The following LRMDA variants were observed in gnomAD, a reference collection of about 807,000 sequenced individuals.
LRMDA encodes the protein leucine-rich melanocyte differentiation-associated protein.
In LRMDA, 18 loss-of-function variants were observed where a neutral mutation model predicts 29.8. The observed-to-expected ratio is 0.60, with a 90% confidence interval of 0.42 to 0.90. The LOEUF is 0.90. LRMDA is among the 40% of genes least tolerant of loss of function. The pLI is 0.00. For synonymous variants in LRMDA, 125 were observed against 109.4 expected, an observed-to-expected ratio of 1.14 and a Z score of -0.89; for missense variants, 273 against 273.9, an observed-to-expected ratio of 1.00 and a Z score of 0.02.
intron 5 of LRMDA, chr10:76,270,261 G>A (rs1438877509): frequency 6.6e-6 from 1 of 152,198 alleles, no homozygotes; most frequent in Non-Finnish European, 1.5e-5. Flanking sequence ...AGTTGGGGAG[G>A]GGAGCTATTT....
rs76607851 is a variant in LRMDA, at chr10:75,592,114, G to A, written c.131+153620G>A. 1.3e-5 allele frequency among the ~76,000 whole-genome samples: 2 copies of A among 151,970 alleles called. 1 individual carries two copies. The highest frequency in any genetic ancestry group is 4.8e-5 in the African/African-American group (2 of 41,368). ...GGCAGAGGGGACAGCATGACTTGAGGCCCTGATGTGGCAAAGAGGAATGAG... is the reference window on the plus strand; with the variant it reads ...GGCAGAGGGGACAGCATGACTTGAGACCCTGATGTGGCAAAGAGGAATGAG... On this transcript the variant is annotated intron_variant, in intron 2 of 6. Transcript: ENST00000611255.
intron 2 of LRMDA, among the ~76,000 whole-genome samples, chr10:75,987,767 T>C (rs1279881709): frequency 1.3e-5 from 2 of 152,136 alleles, no homozygotes; most frequent in Admixed American, 1.3e-4. Context: ...TGTCCATTCT[T>C]TTGCAGAAGC....
At chr10:76,403,070 T>G (rs1385035315) in intron 6 of LRMDA, among the ~76,000 whole-genome samples, 1 of 151,748 alleles carries the variant, frequency 6.6e-6, no homozygotes, top group East Asian at 2.0e-4. Flanking sequence ...ATGTTGCCCT[T>G]CATCAAACAG....
In LRMDA at chr10:76,228,389, C is replaced by T. The variant is rs149715795; in HGVS notation, c.517-96012C>T. Among the ~76,000 whole-genome samples the T allele has an allele frequency of 3.0e-3, 454 of 152,198 alleles. 2 individuals are homozygous for T. Among genetic ancestry groups the T allele is most frequent in the African/African-American group, 0.01 (435 of 41,532 alleles). Reference sequence around the variant, plus strand: ...CCCTCTGCATAAACAAAGACCATGGCATTGTAATAGACGGAGTTTAATAGA... The same window carrying T: ...CCCTCTGCATAAACAAAGACCATGGTATTGTAATAGACGGAGTTTAATAGA... On this transcript the variant is annotated intron_variant, in intron 5 of 6. Transcript: ENST00000611255.
At chr10:75,685,053 T>A (rs1329945861) in intron 2 of LRMDA, among the ~76,000 whole-genome samples, 1 of 152,244 alleles carries the variant, frequency 6.6e-6, no homozygotes, top group Non-Finnish European at 1.5e-5. Context: ...GGATCTTTTC[T>A]CCTTCTGGTA....
chr10:76,060,590 C>CTT (rs1303747533), intron 5 of LRMDA, among the ~76,000 whole-genome samples: 1 of 152,200 alleles, frequency 6.6e-6, no homozygotes, highest in Non-Finnish European at 1.5e-5. Context: ...TCTCTCTCTG[C>CTT]TTTCTCACCC....
At chr10:76,395,270 C>A (rs1841770235) in intron 6 of LRMDA, among the ~76,000 whole-genome samples, 1 of 152,278 alleles carries the variant, frequency 6.6e-6, no homozygotes, top group East Asian at 1.9e-4. Flanking sequence ...TGACTCCACC[C>A]CATTGTATCC....
intron 2 of LRMDA, among the ~76,000 whole-genome samples, chr10:76,030,986 C>A (rs1406278851): frequency 6.6e-6 from 1 of 152,186 alleles, no homozygotes; most frequent in East Asian, 1.9e-4. Context: ...TGCCGTGTGC[C>A]AGGCACTGCA....
At chr10:75,926,068 A>G (rs555260519) in intron 2 of LRMDA, among the ~76,000 whole-genome samples, 1 of 152,328 alleles carries the variant, frequency 6.6e-6, no homozygotes, top group South Asian at 2.1e-4. Context: ...GTAGTCTGGT[A>G]GCAGAGTCCA....
chr10:76,477,431 GCT>G (rs1842686425), intron 6 of LRMDA, among the ~76,000 whole-genome samples: 2 of 152,004 alleles, frequency 1.3e-5, no homozygotes, highest in South Asian at 2.1e-4. Context: ...AATATTCCAT[GCT>G]CATGGATAGG....
intron 2 of LRMDA, among the ~76,000 whole-genome samples, chr10:75,752,455 C>G (rs1323493838): frequency 6.6e-6 from 1 of 152,200 alleles, no homozygotes; most frequent in Non-Finnish European, 1.5e-5. Flanking sequence ...TCTTGATCCA[C>G]CCACCTCAGA....
intron 5 of LRMDA, among the ~76,000 whole-genome samples, chr10:76,156,165 T>C (rs551947531): frequency 3.9e-5 from 6 of 152,268 alleles, no homozygotes; most frequent in Admixed American, 6.5e-5. Flanking sequence ...GTCGGTGTTA[T>C]TGTGCTTAGG....
intron 6 of LRMDA, among the ~76,000 whole-genome samples, chr10:76,445,079 C>T (rs1322983992): frequency 6.6e-6 from 1 of 152,136 alleles, no homozygotes; most frequent in African/African-American, 2.4e-5. Flanking sequence ...TAGATTAAGA[C>T]ACAGGTCTTC....
At chr10:76,118,999 G>T (rs1849717893) in intron 5 of LRMDA, among the ~76,000 whole-genome samples, 1 of 152,014 alleles carries the variant, frequency 6.6e-6, no homozygotes, top group African/African-American at 2.4e-5. Context: ...AGCTTGGAAA[G>T]TGAGGATGAA....
chr10:76,237,957 A>AT (rs1162229318), intron 5 of LRMDA, among the ~76,000 whole-genome samples: 3 of 151,666 alleles, frequency 2.0e-5, no homozygotes, highest in Non-Finnish European at 4.4e-5. Flanking sequence ...CGCCTGGCTA[A>AT]TTTTTGTGTT....
At chr10:76,271,560 C>T (rs1488135339) in intron 5 of LRMDA, among the ~76,000 whole-genome samples, 1 of 152,180 alleles carries the variant, frequency 6.6e-6, no homozygotes, top group Non-Finnish European at 1.5e-5. Context: ...TGCATTTTCT[C>T]TTTCAGCCTC....
At chr10:76,165,460 C>T (rs11598101) in intron 5 of LRMDA, among the ~76,000 whole-genome samples, 10,455 of 151,106 alleles carry the variant, frequency 0.069, 440 homozygotes, top group Middle Eastern at 0.13. Context: ...TTAGTAGAGA[C>T]GGGGTTTCAC....
chr10:75,573,690 C>A (rs2132071822), intron 2 of LRMDA, among the ~76,000 whole-genome samples: 1 of 152,216 alleles, frequency 6.6e-6, no homozygotes, highest in East Asian at 1.9e-4. Context: ...GCCTTTTTAA[C>A]TTGTTTCAGA....
chr10:76,058,399 A>G (rs895020152), intron 4 of LRMDA, among the ~76,000 whole-genome samples: 1 of 152,140 alleles, frequency 6.6e-6, no homozygotes, highest in Non-Finnish European at 1.5e-5. Context: ...TGGCTAACCC[A>G]CGTGTGTGTG....
Sources: allele counts gnomAD v4.1 joint callset (sites outside exome capture counted in the v4.1 genomes callset), GRCh38; gene constraint gnomAD v4.1.1; transcripts MANE v1.5; gene names NCBI Gene and HGNC (gene_info 2026-07-23, HGNC 2026-07-21).